Variants in CABCOCO1 observed in about 807,000 individuals in gnomAD.
CABCOCO1 encodes the protein ciliary associated calcium binding coiled-coil 1, also known as ciliary-associated calcium-binding coiled-coil protein 1.
A neutral mutation model predicts 35.7 loss-of-function variants in CABCOCO1; 28 were observed. That is an observed-to-expected ratio of 0.78 (90% CI 0.58 to 1.07). The LOEUF (loss-of-function observed/expected upper bound fraction) is 1.07, where lower values mean the gene tolerates loss of function less well. Among genes scored for constraint, CABCOCO1 ranks in the 50% least tolerant of loss-of-function variants. The pLI, the probability that CABCOCO1 is intolerant of heterozygous loss-of-function variation, is 0.00. For missense variants in CABCOCO1, 326 were observed against 309.2 expected (o/e 1.05, Z -0.41); for synonymous variants, 95 against 100.1 (o/e 0.95, Z 0.30).
chr10:61,760,481 A>G (rs1181505428), intron 6 of CABCOCO1, among the ~76,000 whole-genome samples: 1 of 152,062 alleles, frequency 6.6e-6, no homozygotes, highest in Non-Finnish European at 1.5e-5. Context: ...GAGTAACATC[A>G]TATCAAAATC....
rs1842117071 is a variant in CABCOCO1 at position 61,766,695 on chromosome 10, G to C, written c.*682G>C. 6.6e-6 allele frequency: 1 copy of C among 152,006 alleles called. No homozygotes were observed. The highest frequency in any genetic ancestry group is 2.4e-5 in the African/African-American group (1 of 41,392). 9.4% of individuals were successfully genotyped at this position (152,006 alleles called of 1,614,324 possible). On this transcript the variant is annotated 3_prime_UTR_variant, in exon 8 of 8. Coordinates refer to ENST00000648843, the MANE Select transcript of CABCOCO1 (RefSeq NM_001366906.2). ...TATAAAAAGAAGCAATGTATAAATGGTTATTAAAGACCAACCTATATATAG... is the reference window on the plus strand; with the variant it reads ...TATAAAAAGAAGCAATGTATAAATGCTTATTAAAGACCAACCTATATATAG...
intron 2 of CABCOCO1, among the ~76,000 whole-genome samples, chr10:61,678,903 G>A (rs1445987006): frequency 1.3e-5 from 2 of 152,040 alleles, no homozygotes; most frequent in African/African-American, 4.8e-5. Flanking sequence ...TTGGGTTTCA[G>A]GTCTACCCTG....
At chr10:61,762,591 G>A (rs1435479586) in intron 7 of CABCOCO1, among the ~76,000 whole-genome samples, 2 of 152,102 alleles carry the variant, frequency 1.3e-5, no homozygotes, top group Non-Finnish European at 2.9e-5. Flanking sequence ...AATGGCTCAA[G>A]ATGGCAAACC....
chr10:61,727,895 A>C (rs1305908083), intron 5 of CABCOCO1, among the ~76,000 whole-genome samples: 1 of 152,160 alleles, frequency 6.6e-6, no homozygotes, highest in African/African-American at 2.4e-5. Flanking sequence ...CTATATATAA[A>C]CTATTTAAGT....
At chr10:61,758,127 T>A (rs1841936873) in intron 5 of CABCOCO1, among the ~76,000 whole-genome samples, 2 of 151,980 alleles carry the variant, frequency 1.3e-5, no homozygotes, top group Admixed American at 6.6e-5. Flanking sequence ...AATTCCTTTC[T>A]CTCTTCTTTT....
chr10:61,686,769 G>A lies in CABCOCO1; in HGVS notation c.479+584G>A, dbSNP rs190612508. Among the ~76,000 whole-genome samples the A allele has an allele frequency of 3.3e-5, 5 of 152,254 alleles. No homozygotes were observed. In the East Asian group the frequency reaches 9.6e-4, roughly 29 times the overall value. Reference sequence around the variant, plus strand: ...TTCTTACTACTTAGAAAATAATGGTGTGTGGAAGTAAAGTATTTTTATTAC... The same window carrying A: ...TTCTTACTACTTAGAAAATAATGGTATGTGGAAGTAAAGTATTTTTATTAC... On this transcript the variant is annotated intron_variant, in intron 4 of 7. Coordinates refer to ENST00000648843, the MANE Select transcript of CABCOCO1 (RefSeq NM_001366906.2).
intron 5 of CABCOCO1, among the ~76,000 whole-genome samples, chr10:61,691,423 T>A (rs1287342158): frequency 6.6e-5 from 10 of 152,174 alleles, no homozygotes; most frequent in Admixed American, 4.6e-4. Context: ...CAAACTTACT[T>A]ATAATCACAT....
At chr10:61,683,387 C>G (rs1040018477) in intron 3 of CABCOCO1, among the ~76,000 whole-genome samples, 1 of 151,808 alleles carries the variant, frequency 6.6e-6, no homozygotes, top group Non-Finnish European at 1.5e-5. Context: ...TGGAGAAACC[C>G]CATATCTAAA....
In CABCOCO1 at chr10:61,681,290, T is replaced by C. The variant is rs750131678; in HGVS notation, c.312T>C (p.Ala104=). The change falls in exon 3 of 8, where the codon GCT becomes GCC. Residue 104 remains alanine (A), a synonymous_variant. Coordinates refer to ENST00000648843, the MANE Select transcript of CABCOCO1 (RefSeq NM_001366906.2). The part of the protein sequence containing the change: ...IQYSKFMTLL[A]MSLQNLKTLH... ...ATTCAAAATTTATGACTTTACTAGC[T>C]ATGTCACTTCAAAATCTTAAAAGTA... 1 of 1,558,134 alleles carries C rather than the reference T, an allele frequency of 6.4e-7. No individual in the cohort carries two copies. Among genetic ancestry groups the C allele is most frequent in the African/African-American group, 1.4e-5 (1 of 72,886 alleles).
At chr10:61,669,667 T>C (rs532285203) in intron 1 of CABCOCO1, among the ~76,000 whole-genome samples, 3 of 152,178 alleles carry the variant, frequency 2.0e-5, no homozygotes, top group Admixed American at 1.3e-4. Context: ...ATGATTATAT[T>C]AAGCCTGCAA....
At chr10:61,676,398 T>C (rs577930970) in intron 2 of CABCOCO1, among the ~76,000 whole-genome samples, 1 of 152,104 alleles carries the variant, frequency 6.6e-6, no homozygotes, top group Non-Finnish European at 1.5e-5. Context: ...AATAATAGAC[T>C]GAAACAATTA....
Position 61,763,531 on chromosome 10 carries a change from G to T in CABCOCO1, c.817-2408G>T, listed in dbSNP as rs113626303. Among the ~76,000 whole-genome samples, 781 of 151,982 alleles carry T rather than the reference G, an allele frequency of 5.1e-3. 5 individuals are homozygous for T. Among genetic ancestry groups the T allele is most frequent in the African/African-American group, 0.017 (718 of 41,474 alleles). On this transcript the variant is annotated intron_variant, in intron 7 of 7. Transcript: ENST00000648843. ...GTTGTGTAATAAAAATTATACCCAA[G>T]GGAGCAAACTTAAATATATTTAAAG...
At chr10:61,692,002 T>C (rs1168797340) in intron 5 of CABCOCO1, among the ~76,000 whole-genome samples, 2 of 152,200 alleles carry the variant, frequency 1.3e-5, no homozygotes, top group Non-Finnish European at 2.9e-5. Context: ...CCTTTGGGTA[T>C]ATACCTAGTA....
At chr10:61,760,013 G>T (rs752802888) in intron 5 of CABCOCO1, 46 bp from the exon 6 acceptor site, 1 of 1,607,728 alleles carries the variant, frequency 6.2e-7, no homozygotes. Context: ...AACTGTGGTT[G>T]CTCACCAAAG....
chr10:61,736,135 T>C (rs1378604320), intron 5 of CABCOCO1, among the ~76,000 whole-genome samples: 1 of 152,214 alleles, frequency 6.6e-6, no homozygotes, highest in East Asian at 1.9e-4. Context: ...TAGTTTCTTT[T>C]ACTGTGCAGA....
chr10:61,679,329 C>CTAATCTATCTA (rs1554821371), intron 2 of CABCOCO1, among the ~76,000 whole-genome samples: 15,333 of 142,834 alleles, frequency 0.11, 874 homozygotes, highest in Middle Eastern at 0.14. Flanking sequence ...ATATCTATAT[C>CTAATCTATCTA]TATCTATATC....
intron 5 of CABCOCO1, among the ~76,000 whole-genome samples, chr10:61,722,841 A>G (rs902128117): frequency 1.3e-5 from 2 of 152,194 alleles, no homozygotes; most frequent in African/African-American, 2.4e-5. Flanking sequence ...CAAAATAGAC[A>G]CTAGATTATA....
At chr10:61,725,008 A>T (rs1841110886) in intron 5 of CABCOCO1, among the ~76,000 whole-genome samples, 1 of 152,108 alleles carries the variant, frequency 6.6e-6, no homozygotes, top group South Asian at 2.1e-4. Context: ...ATTAGTGGAC[A>T]TTTTCTTTCT....
intron 2 of CABCOCO1, among the ~76,000 whole-genome samples, chr10:61,680,316 A>AT (rs1158738908): frequency 0.1 from 14,460 of 138,608 alleles, 1,027 homozygotes; most frequent in East Asian, 0.18. Context: ...GTCTCAAAAA[A>AT]AATATATATA....
Sources: gnomAD v4.1 joint callset for allele counts (sites outside exome capture counted in the v4.1 genomes callset) on GRCh38, gnomAD v4.1.1 for gene constraint, MANE v1.5 for transcripts, NCBI Gene and HGNC (gene_info 2026-07-23, HGNC 2026-07-21) for gene names.